The following ANXA7 variants were observed in gnomAD, a reference collection of about 807,000 sequenced individuals.
ANXA7 encodes the protein annexin A7.
ANXA7 carries 55 observed loss-of-function variants against 64.9 expected under a neutral mutation model. The observed-to-expected ratio is 0.85, with a 90% CI of 0.68 to 1.06. The LOEUF (loss-of-function observed/expected upper bound fraction) is 1.06. ANXA7 is among the 50% of genes least tolerant of loss of function. The pLI is 0.00. For synonymous variants in ANXA7, 200 were observed against 192.4 expected (o/e 1.04, Z -0.33); for missense variants, 548 against 582.1 (o/e 0.94, Z 0.60).
At chr10:73,390,031 G>C (rs2055443473) in intron 5 of ANXA7, among the ~76,000 whole-genome samples, 1 of 152,098 alleles carries the variant, frequency 6.6e-6, no homozygotes, top group African/African-American at 2.4e-5. Flanking sequence ...CACATTTCTT[G>C]TATGTTTGAA....
intron 1 of ANXA7, among the ~76,000 whole-genome samples, chr10:73,403,219 G>A (rs958485159): frequency 3.9e-5 from 6 of 152,166 alleles, no homozygotes; most frequent in Admixed American, 3.9e-4. Context: ...CAGGCACAGC[G>A]GCTCATGCCT....
chr10:73,400,693 G>T (rs1320862972), intron 2 of ANXA7, 110 bp downstream of exon 2: 1 of 813,522 alleles, frequency 1.2e-6, no homozygotes, highest in Non-Finnish European at 1.9e-6. Context: ...TAGTACCTCT[G>T]AGCATCTGAA....
intron 5 of ANXA7, among the ~76,000 whole-genome samples, chr10:73,395,086 G>C (rs766057545): frequency 5.1e-4 from 77 of 152,164 alleles, no homozygotes; most frequent in Non-Finnish European, 4.9e-4. Context: ...CTACATGCTT[G>C]GGAGGAGTAT....
At chr10:73,403,713 T>C (rs1046430175) in intron 1 of ANXA7, among the ~76,000 whole-genome samples, 2 of 152,222 alleles carry the variant, frequency 1.3e-5, no homozygotes, top group African/African-American at 4.8e-5. Context: ...AAGGTGAATG[T>C]GATACTGCCC....
chr10:73,410,556 G>A lies in ANXA7; in HGVS notation c.-2+3456C>T, dbSNP rs909222052. On this transcript the variant is annotated intron_variant, in intron 1 of 12. Coordinates refer to ENST00000372921, the MANE Select transcript of ANXA7 (RefSeq NM_001156.5). ...CCCAGCACTTTGGGAGGCCCAGACG[G>A]GCGATCACCTGAGGTTGGGAGTTTG... Among the ~76,000 whole-genome samples, 9 of 152,126 alleles carry A rather than the reference G, an allele frequency of 5.9e-5. No homozygotes were observed. The East Asian group carries it at 1.7e-3, about 29-fold the overall frequency.
Position 73,375,982 on chromosome 10 carries a change from G to A in ANXA7, c.*113C>T. Reference sequence around the variant, plus strand: ...AGCACATTACCCTGATACGGTCCTTGACAGAAAGCTCTTTCGGTTAGCTGA... The same window carrying A: ...AGCACATTACCCTGATACGGTCCTTAACAGAAAGCTCTTTCGGTTAGCTGA... On this transcript the variant is annotated 3_prime_UTR_variant, in exon 13 of 13. Transcript: ENST00000372921. 1 of 903,946 alleles carries A rather than the reference G, an allele frequency of 1.1e-6. No homozygotes were observed. The highest frequency in any genetic ancestry group is 1.6e-6 in the Non-Finnish European group (1 of 633,512). The allele number at this position is 903,946 out of a possible 1,614,324, so 56.0% of individuals were successfully genotyped here.
intron 2 of ANXA7, among the ~76,000 whole-genome samples, chr10:73,399,717 A>G (rs1226682807): frequency 6.6e-6 from 1 of 152,180 alleles, no homozygotes; most frequent in East Asian, 1.9e-4. Flanking sequence ...GCTACTCAGG[A>G]GGCTGAGGCA....
intron 1 of ANXA7, among the ~76,000 whole-genome samples, chr10:73,413,684 A>G (rs901414287): frequency 1.3e-5 from 2 of 152,124 alleles, no homozygotes; most frequent in Admixed American, 1.3e-4. Flanking sequence ...GCGTTTCCCT[A>G]CTCAGCCTCC....
At chr10:73,391,972 A>G (rs1032668871) in intron 5 of ANXA7, among the ~76,000 whole-genome samples, 3 of 152,236 alleles carry the variant, frequency 2.0e-5, no homozygotes, top group Admixed American at 6.5e-5. Context: ...TAAAAAAGGA[A>G]AAAGAGAAGA....
rs775570274 is a variant in ANXA7 at position 73,387,846 on chromosome 10, C to CTTT, written c.539-66_539-64dup. The CTTT allele has an allele frequency of 1.7e-3, 949 of 549,486 alleles. 1 individual carries two copies. Among genetic ancestry groups the CTTT allele is most frequent in the South Asian group, 2.5e-3 (120 of 47,158 alleles). 34.0% of individuals were successfully genotyped at this position (549,486 alleles called of 1,614,324 possible). On this transcript the variant is annotated intron_variant, in intron 6 of 12. Transcript: ENST00000372921. ...CATGCTAGGTGCTGCTTGAGGTCAT[C>CTTT]TTTTTTTTTTTTTTTTTTTTTTGAG...
At chr10:73,396,361 A>T (rs1171506527) in intron 5 of ANXA7, among the ~76,000 whole-genome samples, 158 bp downstream of exon 5, 1 of 152,204 alleles carries the variant, frequency 6.6e-6, no homozygotes, top group Non-Finnish European at 1.5e-5. Context: ...ATTAAAGCAG[A>T]TGGACCAAAG....
chr10:73,396,060 A>C, intron 5 of ANXA7: 1 of 1,593,536 alleles, frequency 6.3e-7, no homozygotes, highest in Non-Finnish European at 8.6e-7. Context: ...GCTATAATCC[A>C]AAGAAACAGG....
At chr10:73,400,497 A>C (rs2055643734) in intron 2 of ANXA7, among the ~76,000 whole-genome samples, 1 of 152,152 alleles carries the variant, frequency 6.6e-6, no homozygotes, top group Non-Finnish European at 1.5e-5. Flanking sequence ...CTAAATTTTG[A>C]ACCTTTGGGC....
intron 2 of ANXA7, among the ~76,000 whole-genome samples, chr10:73,399,655 T>C (rs1459228266): frequency 6.6e-6 from 1 of 151,644 alleles, no homozygotes; most frequent in Non-Finnish European, 1.5e-5. Context: ...ACCCCATCTC[T>C]ACTAAAAATA....
chr10:73,397,430 TA>T (rs869133523), intron 3 of ANXA7, among the ~76,000 whole-genome samples, 156 bp from the exon 4 acceptor site: 1 of 149,096 alleles, frequency 6.7e-6, no homozygotes, highest in Non-Finnish European at 1.5e-5. Flanking sequence ...AATTCTCCAG[TA>T]AAAAATAAGT....
intron 4 of ANXA7, 47 bp downstream of exon 4, chr10:73,397,117 A>G: frequency 9.1e-7 from 1 of 1,093,130 alleles, no homozygotes; most frequent in Non-Finnish European, 1.3e-6. Context: ...TGATTTAAAA[A>G]CTCAAAATAT....
In ANXA7 at chr10:73,387,479, C is replaced by A. The variant is rs1458567042; in HGVS notation, c.633+210G>T. ...GCAGTGAGCTGAGATCGCACCATTG[C>A]ACTCCAGCCTGGATGTTGGTGCGAG... On this transcript the variant is annotated intron_variant, in intron 7 of 12. Coordinates refer to ENST00000372921, the MANE Select transcript of ANXA7 (RefSeq NM_001156.5). 2.0e-5 allele frequency among the ~76,000 whole-genome samples: 3 copies of A among 152,122 alleles called. No homozygotes were observed. The East Asian group carries it at 5.8e-4, about 29-fold the overall frequency.
At chr10:73,413,527 A>G (rs2055877026) in intron 1 of ANXA7, among the ~76,000 whole-genome samples, 1 of 152,222 alleles carries the variant, frequency 6.6e-6, no homozygotes, top group Non-Finnish European at 1.5e-5. Flanking sequence ...AAGAACTGTA[A>G]ACGAGAACCA....
At chr10:73,384,788 A>C (rs535133747) in intron 7 of ANXA7, among the ~76,000 whole-genome samples, 34 of 152,280 alleles carry the variant, frequency 2.2e-4, no homozygotes, top group African/African-American at 7.5e-4. Context: ...GTAGCATAGA[A>C]ATAAGTAATA....
Sources: gnomAD v4.1 joint callset for allele counts (sites outside exome capture counted in the v4.1 genomes callset) on GRCh38, gnomAD v4.1.1 for gene constraint, MANE v1.5 for transcripts, NCBI Gene and HGNC (gene_info 2026-07-23, HGNC 2026-07-21) for gene names.